Variants in DPP10 observed in about 807,000 individuals in gnomAD.
DPP10 encodes dipeptidyl peptidase like 10.
DPP10 carries 33 observed loss-of-function variants against 120.9 expected under a neutral mutation model. The observed-to-expected ratio is 0.27, with a 90% CI of 0.21 to 0.37. DPP10 has a LOEUF of 0.37. DPP10 is among the 10% of genes least tolerant of loss of function. The pLI is 1.00. For synonymous variants in DPP10, 337 were observed against 326.1 expected, an observed-to-expected ratio of 1.03 and a Z score of -0.36; for missense variants, 816 against 942.8, an observed-to-expected ratio of 0.87 and a Z score of 1.76.
intron 1 of DPP10, among the ~76,000 whole-genome samples, chr2:114,667,065 A>G (rs1441119249): frequency 1.3e-5 from 2 of 152,210 alleles, no homozygotes; most frequent in African/African-American, 4.8e-5. Flanking sequence ...GAGAGTAGCC[A>G]TAGACACTAT....
intron 1 of DPP10, among the ~76,000 whole-genome samples, chr2:114,635,516 A>G (rs1695240238): frequency 6.6e-6 from 1 of 151,968 alleles, no homozygotes; most frequent in Non-Finnish European, 1.5e-5. Context: ...TATATGAGCA[A>G]GACTGTTAGT....
intron 1 of DPP10, among the ~76,000 whole-genome samples, chr2:115,035,071 C>G (rs1210123063): frequency 6.6e-6 from 1 of 152,254 alleles, no homozygotes; most frequent in Non-Finnish European, 1.5e-5. Flanking sequence ...ATGACACCTT[C>G]CATGCTGTGC....
chr2:115,227,161 G>A (rs1421179036), intron 1 of DPP10, among the ~76,000 whole-genome samples: 1 of 152,044 alleles, frequency 6.6e-6, no homozygotes, highest in African/African-American at 2.4e-5. Flanking sequence ...ATTTTAAATT[G>A]TTGCTTAGTC....
chr2:114,731,042 G>A (rs534029001), intron 1 of DPP10, among the ~76,000 whole-genome samples: 8 of 151,738 alleles, frequency 5.3e-5, no homozygotes, highest in Admixed American at 2.0e-4. Context: ...ACACAATATC[G>A]GGTCACAAAA....
intron 5 of DPP10, among the ~76,000 whole-genome samples, chr2:115,639,665 G>A (rs2086623834): frequency 1.3e-5 from 2 of 152,022 alleles, no homozygotes; most frequent in South Asian, 2.1e-4. Context: ...TAAAGAGCAG[G>A]AGATAAATTT....
intron 1 of DPP10, among the ~76,000 whole-genome samples, chr2:114,932,266 G>C (rs1188835632): frequency 6.6e-6 from 1 of 152,140 alleles, no homozygotes; most frequent in African/African-American, 2.4e-5. Flanking sequence ...ACATCTAAAA[G>C]CTAAACATTT....
intron 7 of DPP10, among the ~76,000 whole-genome samples, chr2:115,708,525 G>A (rs540586988): frequency 6.6e-6 from 1 of 152,054 alleles, no homozygotes; most frequent in African/African-American, 2.4e-5. Context: ...GGGATATGGG[G>A]GTGAATAATG....
chr2:114,672,467 TTA>T (rs1698408089), intron 1 of DPP10, among the ~76,000 whole-genome samples: 1 of 152,166 alleles, frequency 6.6e-6, no homozygotes, highest in African/African-American at 2.4e-5. Context: ...TACTCAGTGC[TTA>T]CCTATTTGTG....
intron 3 of DPP10, among the ~76,000 whole-genome samples, chr2:115,367,201 G>C (rs559352188): frequency 6.6e-6 from 1 of 152,016 alleles, no homozygotes; most frequent in Non-Finnish European, 1.5e-5. Flanking sequence ...TCAGACAATA[G>C]TACCATGGCA....
At chr2:115,713,122 G>A (rs1028227294) in intron 7 of DPP10, among the ~76,000 whole-genome samples, 3 of 151,470 alleles carry the variant, frequency 2.0e-5, no homozygotes, top group African/African-American at 7.3e-5. Context: ...AAGTAGAAAC[G>A]TTTTGATGTA....
At chr2:115,138,007 C>A (rs1340994343) in intron 1 of DPP10, among the ~76,000 whole-genome samples, 1 of 152,080 alleles carries the variant, frequency 6.6e-6, no homozygotes, top group East Asian at 1.9e-4. Flanking sequence ...CATATGAGGA[C>A]AGAAAGAGGC....
chr2:115,105,067 T>A (rs775308461), intron 1 of DPP10, among the ~76,000 whole-genome samples: 1 of 152,140 alleles, frequency 6.6e-6, no homozygotes. Context: ...AATTTCCCCA[T>A]GGTTACAAGG....
chr2:114,466,794 A>G (rs572427084), intron 1 of DPP10, among the ~76,000 whole-genome samples: 11 of 152,216 alleles, frequency 7.2e-5, no homozygotes, highest in Non-Finnish European at 1.6e-4. Context: ...CTGTAATCCC[A>G]GCACTTTGGG....
chr2:115,413,216 C>G (rs1468558608), intron 3 of DPP10, among the ~76,000 whole-genome samples: 1 of 152,154 alleles, frequency 6.6e-6, no homozygotes, highest in Non-Finnish European at 1.5e-5. Context: ...AGCAAGAAGT[C>G]TGGCCCAAAA....
rs142663740 is a variant in DPP10 at position 114,607,026 on chromosome 2, C to T, written c.60+164188C>T. ...CACTGACAGGATGATGGAGACATCA[C>T]CATGGTGAAGGTTGTCCTGGGTTGT... On this transcript the variant is annotated intron_variant, in intron 1 of 25. Coordinates refer to ENST00000410059, the MANE Select transcript of DPP10 (RefSeq NM_020868.6). Among the ~76,000 whole-genome samples, 214 of 152,270 alleles carry T rather than the reference C, an allele frequency of 1.4e-3. 1 individual carries two copies. Among genetic ancestry groups the T allele is most frequent in the African/African-American group, 4.7e-3 (194 of 41,574 alleles).
chr2:115,311,348 C>T (rs1178820951), intron 2 of DPP10, among the ~76,000 whole-genome samples: 2 of 152,212 alleles, frequency 1.3e-5, no homozygotes, highest in South Asian at 2.1e-4. Flanking sequence ...TGCTGCTATT[C>T]CTTTGATGAT....
At chr2:114,863,832 C>T (rs1242676626) in intron 1 of DPP10, among the ~76,000 whole-genome samples, 1 of 152,142 alleles carries the variant, frequency 6.6e-6, no homozygotes, top group Non-Finnish European at 1.5e-5. Context: ...CTTTCCCTGT[C>T]TCTGCCCCTT....
chr2:114,521,953 G>A (rs1360448964), intron 1 of DPP10, among the ~76,000 whole-genome samples: 1 of 146,848 alleles, frequency 6.8e-6, no homozygotes, highest in South Asian at 2.2e-4. Context: ...GACTACAGGC[G>A]CCCGCCACCG....
At chr2:115,656,854 T>C (rs1231054671) in intron 5 of DPP10, among the ~76,000 whole-genome samples, 1 of 151,724 alleles carries the variant, frequency 6.6e-6, no homozygotes, top group African/African-American at 2.4e-5. Context: ...GAAGTGCTTC[T>C]TTCTTACAGT....
Sources: gnomAD v4.1 joint callset for allele counts (sites outside exome capture counted in the v4.1 genomes callset) on GRCh38, gnomAD v4.1.1 for gene constraint, MANE v1.5 for transcripts, NCBI Gene and HGNC (gene_info 2026-07-23, HGNC 2026-07-21) for gene names.